The following GALNT10 variants were observed in gnomAD, a reference collection of about 807,000 sequenced individuals.
GALNT10 encodes the protein polypeptide N-acetylgalactosaminyltransferase 10, also known as GalNAc transferase 10.
GALNT10 carries 41 observed loss-of-function variants against 75.0 expected under a neutral mutation model. The observed-to-expected ratio is 0.55, with a 90% CI of 0.43 to 0.71. GALNT10 has a LOEUF of 0.71. Ranked by LOEUF, GALNT10 falls within the 30% of genes least tolerant of loss-of-function variation. The pLI is 0.00. For synonymous variants in GALNT10, 302 were observed against 313.0 expected (o/e 0.96, Z 0.37); for missense variants, 727 against 818.5 (o/e 0.89, Z 1.36).
At chr5:154,351,630 G>A (rs562933253) in intron 4 of GALNT10, among the ~76,000 whole-genome samples, 42 of 152,276 alleles carry the variant, frequency 2.8e-4, no homozygotes, top group African/African-American at 4.1e-4. Context: ...GCTTCCGCTC[G>A]TCTGTAACCC....
intron 1 of GALNT10, among the ~76,000 whole-genome samples, chr5:154,200,756 C>T (rs1463283953): frequency 1.3e-5 from 2 of 151,984 alleles, no homozygotes; most frequent in East Asian, 3.9e-4. Context: ...ATTTCTTTGA[C>T]CTTTATGTAT....
At chr5:154,360,224 C>T (rs942990657) in intron 4 of GALNT10, among the ~76,000 whole-genome samples, 19 of 151,760 alleles carry the variant, frequency 1.3e-4, no homozygotes, top group African/African-American at 1.5e-4. Flanking sequence ...CTGAGGCAGG[C>T]GGATCACTTG....
In GALNT10 at chr5:154,415,772, C is replaced by T. The variant is rs1161926925; in HGVS notation, c.1504-11C>T. 1.9e-6 allele frequency: 3 copies of T among 1,612,168 alleles called. No individual in the cohort carries two copies. Among genetic ancestry groups the T allele is most frequent in the Non-Finnish European group, 2.5e-6 (3 of 1,178,866 alleles). On this transcript the variant is annotated splice_polypyrimidine_tract_variant and intron_variant, in intron 10 of 11. Coordinates refer to ENST00000297107, the MANE Select transcript of GALNT10 (RefSeq NM_198321.4). ...CTTTGCTATCCCTATTTATGATGCC[C>T]CTGTGCACAGGTATTCACCTTCACC...
At position 154,376,171 on chromosome 5, in the gene GALNT10, G is replaced by C; in HGVS notation, c.569-106G>C. The C allele has an allele frequency of 1.3e-6, 1 of 757,256 alleles. No homozygotes were observed. Among genetic ancestry groups the C allele is most frequent in the Non-Finnish European group, 2.3e-6 (1 of 433,522 alleles). The allele number at this position is 757,256 out of a possible 1,614,324, so 46.9% of individuals were successfully genotyped here. A position where few individuals can be genotyped will look rare whatever the true frequency, so the allele number is the denominator to read the frequency against. The stretch of plus-strand genomic sequence containing the variant: ...AAAGGTCTAGTGAGGCAGTGTACAG[G>C]AAAGCTGTGTCTAGACTGTGAAGTG... On this transcript the variant is annotated intron_variant, in intron 4 of 11. Coordinates refer to ENST00000297107, the MANE Select transcript of GALNT10 (RefSeq NM_198321.4). The surrounding 1 kb of genome is among the most constrained non-coding windows in gnomAD (Gnocchi z 4.1).
intron 7 of GALNT10, among the ~76,000 whole-genome samples, chr5:154,401,036 G>A (rs1177525165): frequency 8.5e-5 from 13 of 152,296 alleles, no homozygotes; most frequent in Non-Finnish European, 1.8e-4. Flanking sequence ...TAAACCCACT[G>A]ACCAAACCCT....
At chr5:154,401,134 G>A (rs1338910713) in intron 7 of GALNT10, among the ~76,000 whole-genome samples, 3 of 152,194 alleles carry the variant, frequency 2.0e-5, no homozygotes, top group African/African-American at 7.2e-5. Flanking sequence ...GAACCTTCAG[G>A]CTGATGGCCA....
rs939906084 is a variant in GALNT10, at chr5:154,416,596, G to A, written c.1654-218G>A. ...CTGGAAGCTGCGTGCATCACTTCTGGCCACATCCCAGCGGGCAGAACCCAG... is the reference window on the plus strand; with the variant it reads ...CTGGAAGCTGCGTGCATCACTTCTGACCACATCCCAGCGGGCAGAACCCAG... On this transcript the variant is annotated intron_variant, in intron 11 of 11. Transcript: ENST00000297107. This position sits in a 1 kb window ranked among gnomAD's most constrained non-coding sequence, Gnocchi z 4.5. Among the ~76,000 whole-genome samples the A allele has an allele frequency of 6.6e-6, 1 of 151,534 alleles. No individual in the cohort carries two copies. Among genetic ancestry groups the A allele is most frequent in the Non-Finnish European group, 1.5e-5 (1 of 67,962 alleles).
intron 4 of GALNT10, among the ~76,000 whole-genome samples, chr5:154,375,781 C>T (rs1475817888): frequency 2.0e-5 from 3 of 152,124 alleles, no homozygotes; most frequent in Non-Finnish European, 4.4e-5. Flanking sequence ...ATTCTCAGGA[C>T]CCATTATTTG....
intron 4 of GALNT10, among the ~76,000 whole-genome samples, chr5:154,356,848 A>T (rs1172632784): frequency 6.6e-6 from 1 of 152,230 alleles, no homozygotes; most frequent in East Asian, 1.9e-4. Context: ...GGGACCCGTT[A>T]TCATGCCTTA....
intron 1 of GALNT10, among the ~76,000 whole-genome samples, chr5:154,200,873 A>G (rs1340700534): frequency 2.6e-5 from 4 of 152,214 alleles, no homozygotes; most frequent in Admixed American, 6.5e-5. Context: ...GTGATGGCCC[A>G]TAGATAGTTG....
At chr5:154,291,196 G>A (rs1044967987) in intron 1 of GALNT10, among the ~76,000 whole-genome samples, 1 of 152,146 alleles carries the variant, frequency 6.6e-6, no homozygotes, top group African/African-American at 2.4e-5. Context: ...GTTTACTTCT[G>A]TGAGGTCAAA....
intron 4 of GALNT10, among the ~76,000 whole-genome samples, chr5:154,358,193 T>C (rs1315569578): frequency 6.6e-6 from 1 of 152,192 alleles, no homozygotes; most frequent in Admixed American, 6.5e-5. Flanking sequence ...ATTGGAGGCC[T>C]CGTCTGATCT....
intron 1 of GALNT10, among the ~76,000 whole-genome samples, chr5:154,242,490 C>G (rs1753353000): frequency 6.6e-6 from 1 of 152,220 alleles, no homozygotes; most frequent in Non-Finnish European, 1.5e-5. Context: ...TTTGAATACT[C>G]TTTGGTGCAT....
chr5:154,363,878 C>T (rs1476758234), intron 4 of GALNT10, among the ~76,000 whole-genome samples: 1 of 152,156 alleles, frequency 6.6e-6, no homozygotes, highest in Non-Finnish European at 1.5e-5. Context: ...TTTGGAAGCA[C>T]ATTGGGTATA....
chr5:154,361,011 A>G (rs1325748320), intron 4 of GALNT10, among the ~76,000 whole-genome samples: 1 of 152,228 alleles, frequency 6.6e-6, no homozygotes, highest in Non-Finnish European at 1.5e-5. Flanking sequence ...TAAATTGTTT[A>G]TTAAAAAGAT....
chr5:154,289,188 G>T (rs992029807), intron 1 of GALNT10, among the ~76,000 whole-genome samples: 2 of 152,102 alleles, frequency 1.3e-5, no homozygotes, highest in African/African-American at 4.8e-5. Flanking sequence ...ACCTTTACTA[G>T]GAGAGGACCT....
intron 1 of GALNT10, among the ~76,000 whole-genome samples, chr5:154,228,236 C>T (rs982413839): frequency 4.6e-5 from 7 of 152,160 alleles, no homozygotes; most frequent in Admixed American, 3.3e-4. Flanking sequence ...TATAGCAATG[C>T]AAGAATGGCC....
At chr5:154,384,053 C>T (rs1259828263) in intron 6 of GALNT10, among the ~76,000 whole-genome samples, 2 of 152,056 alleles carry the variant, frequency 1.3e-5, no homozygotes, top group African/African-American at 2.4e-5. Context: ...AGGAAAAAGC[C>T]CCTTATAAAA....
intron 7 of GALNT10, among the ~76,000 whole-genome samples, chr5:154,401,530 T>G (rs1338348458): frequency 6.6e-6 from 1 of 152,236 alleles, no homozygotes; most frequent in Non-Finnish European, 1.5e-5. Flanking sequence ...GAAAATAAAC[T>G]TCTTGGTTTG....
Sources: gnomAD v4.1 joint callset for allele counts (sites outside exome capture counted in the v4.1 genomes callset) on GRCh38, gnomAD v4.1.1 for gene constraint, Gnocchi (gnomAD v3.1) non-coding constraint, MANE v1.5 for transcripts, NCBI Gene and HGNC (gene_info 2026-07-23, HGNC 2026-07-21) for gene names.